CASD1: variants seen among roughly 807,000 people sequenced by gnomAD.
CASD1 encodes CAS1 domain sialic acid O acetyltransferase 1.
In CASD1, 41 loss-of-function variants were observed where a neutral mutation model predicts 100.0. That is an observed-to-expected ratio of 0.41 (90% CI 0.32 to 0.53). The LOEUF (loss-of-function observed/expected upper bound fraction) is 0.53, where lower values mean the gene tolerates loss of function less well. Ranked by LOEUF, CASD1 falls within the 20% of genes least tolerant of loss-of-function variation. The probability of loss-of-function intolerance (pLI) is 0.25; values close to 1 mark genes in which losing one functional copy is unlikely to be tolerated. For synonymous variants in CASD1, 321 were observed against 315.6 expected (o/e 1.02, Z -0.18); for missense variants, 774 against 948.7 (o/e 0.82, Z 2.42).
chr7:94,628,419 T>C, the CASD1 span: 11 of 1,414,702 alleles, frequency 7.8e-6, no homozygotes, highest in African/African-American at 7.0e-5. Flanking sequence ...GTTGCTTTGG[T>C]AGTTTCAATC....
chr7:94,607,635 T>A, the CASD1 span, among the ~76,000 whole-genome samples: 1 of 152,142 alleles, frequency 6.6e-6, no homozygotes, highest in Non-Finnish European at 1.5e-5. Context: ...AAACTAGGAA[T>A]AGAGGGGAAT....
downstream of CASD1, among the ~76,000 whole-genome samples, chr7:94,557,943 A>T (rs781700560): frequency 6.6e-6 from 1 of 152,132 alleles, no homozygotes; most frequent in East Asian, 1.9e-4. Context: ...GCATTACTCA[A>T]TCATACCATT....
downstream of CASD1, among the ~76,000 whole-genome samples, chr7:94,559,141 A>G (rs1414280027): frequency 6.6e-6 from 1 of 152,090 alleles, no homozygotes; most frequent in African/African-American, 2.4e-5. Flanking sequence ...TAATGGCACT[A>G]TTTGTTCTGC....
chr7:94,549,495 G>C (rs747060080), intron 13 of CASD1, 38 bp from the exon 14 acceptor site: 26 of 1,419,934 alleles, frequency 1.8e-5, no homozygotes, highest in Non-Finnish European at 2.4e-5. Context: ...ATATTGACTT[G>C]TACCATCTTA....
At chr7:94,514,213 G>T (rs138625732) in intron 1 of CASD1, among the ~76,000 whole-genome samples, 1,834 of 152,128 alleles carry the variant, frequency 0.012, 31 homozygotes, top group African/African-American at 0.042. Flanking sequence ...TCAGAAATTA[G>T]AGCAAGAAAG....
intron 1 of CASD1, among the ~76,000 whole-genome samples, chr7:94,515,646 C>T (rs1793942630): frequency 6.6e-6 from 1 of 151,972 alleles, no homozygotes; most frequent in Non-Finnish European, 1.5e-5. Flanking sequence ...ATCCCAGACA[C>T]TGAAGTTTGA....
downstream of CASD1, among the ~76,000 whole-genome samples, chr7:94,558,893 G>A (rs573974259): frequency 6.6e-6 from 1 of 152,052 alleles, no homozygotes; most frequent in South Asian, 2.1e-4. Flanking sequence ...TCCGCCTCCT[G>A]GGTTCAAGCA....
rs768762299 is a variant in CASD1, at chr7:94,510,238, G to GC, written c.133+24dup. On this transcript the variant is annotated intron_variant, in intron 1 of 17. Coordinates refer to ENST00000297273, the MANE Select transcript of CASD1 (RefSeq NM_022900.5). ...CCGAGGTGAGCGGGCCCTCCCCTCTGCCCGGGCAGGCCGTGGGGGAGGCGG... is the reference window on the plus strand; with the variant it reads ...CCGAGGTGAGCGGGCCCTCCCCTCTGCCCCGGGCAGGCCGTGGGGGAGGCGG... 2.1e-6 allele frequency: 3 copies of GC among 1,450,202 alleles called. No individual in the cohort carries two copies. The South Asian group carries it at 4.0e-5, about 20-fold the overall frequency. The allele number at this position is 1,450,202 out of a possible 1,614,324, so 89.8% of individuals were successfully genotyped here.
Position 94,537,859 on chromosome 7 carries a change from G to C in CASD1, c.1231G>C (p.Val411Leu), listed in dbSNP as rs930788917. The change falls in exon 9 of 18, where the codon GTT becomes CTT. Residue 411 changes from valine to leucine, a missense_variant. Val to Leu is a conservative substitution (Grantham distance 32, BLOSUM62 1). Coordinates refer to ENST00000297273, the MANE Select transcript of CASD1 (RefSeq NM_022900.5). The part of the protein sequence containing the change: ...SFFIPIIYIL[V>L]LGVFYNENTK... ...CTTTATTCCAATTATCTACATTTTG[G>C]TTTTGGGAGTATTTTATAATGAAAA... is the stretch of plus-strand genomic sequence containing the variant. 2.6e-6 allele frequency: 4 copies of C among 1,555,292 alleles called. No homozygotes were observed. In the African/African-American group the frequency reaches 5.4e-5, roughly 21 times the overall value.
intron 3 of CASD1, among the ~76,000 whole-genome samples, chr7:94,522,967 T>C (rs1794366945): frequency 6.6e-6 from 1 of 152,226 alleles, no homozygotes; most frequent in African/African-American, 2.4e-5. Flanking sequence ...GGCCAACTTT[T>C]TATTTTTAAC....
At chr7:94,599,031 G>T in the CASD1 span, 1 of 1,137,996 alleles carries the variant, frequency 8.8e-7, no homozygotes, top group Non-Finnish European at 1.3e-6. Flanking sequence ...TCATCAATTT[G>T]AAAAACTTAT....
the CASD1 span, chr7:94,623,946 T>C: frequency 2.7e-6 from 1 of 374,492 alleles, no homozygotes; most frequent in Non-Finnish European, 4.7e-6. Context: ...CCATGAAGCT[T>C]ATGGAACATG....
intron 11 of CASD1, 115 bp from the exon 12 acceptor site, chr7:94,545,427 CATT>C: frequency 1.5e-6 from 1 of 649,630 alleles, no homozygotes; most frequent in Non-Finnish European, 2.7e-6. Flanking sequence ...CTTGTACAGT[CATT>C]ATTGAGTCTT....
intron 1 of CASD1, 77 bp downstream of exon 1, chr7:94,510,294 C>G: frequency 8.9e-7 from 1 of 1,125,676 alleles, no homozygotes; most frequent in Non-Finnish European, 1.2e-6. Context: ...GCCCCCATCG[C>G]CCAACACACG....
the CASD1 span, among the ~76,000 whole-genome samples, chr7:94,616,714 A>T: frequency 2.6e-5 from 4 of 152,208 alleles, no homozygotes; most frequent in Non-Finnish European, 4.4e-5. Context: ...TTATATAACA[A>T]CTAAAGAAAA....
chr7:94,538,891 T>C (rs1795247817), intron 9 of CASD1, 76 bp from the exon 10 acceptor site: 1 of 708,330 alleles, frequency 1.4e-6, no homozygotes, highest in African/African-American at 1.8e-5. Flanking sequence ...AAGAAAACTT[T>C]TAACATACTT....
chr7:94,615,385 GA>G, the CASD1 span, among the ~76,000 whole-genome samples: 1 of 146,238 alleles, frequency 6.8e-6, no homozygotes, highest in South Asian at 2.2e-4. Context: ...TAGATAGATA[GA>G]TAGATAGATA....
At chr7:94,553,880 G>A (rs925278822) in intron 16 of CASD1, 1 of 152,044 alleles carries the variant, frequency 6.6e-6, no homozygotes, top group Non-Finnish European at 1.5e-5. Context: ...CAAAAGGACA[G>A]GGGAGAGGAG....
chr7:94,551,183 T>C (rs73423242), intron 14 of CASD1, among the ~76,000 whole-genome samples, 155 bp from the exon 15 acceptor site: 270 of 152,328 alleles, frequency 1.8e-3, no homozygotes, highest in African/African-American at 6.3e-3. Context: ...TTATTTCATT[T>C]CTTGAAGTTT....
Sources: gnomAD v4.1 joint callset for allele counts (sites outside exome capture counted in the v4.1 genomes callset) on GRCh38, gnomAD v4.1.1 for gene constraint, MANE v1.5 for transcripts, NCBI Gene and HGNC (gene_info 2026-07-23, HGNC 2026-07-21) for gene names.